PTPRR: variants seen among roughly 807,000 people sequenced by gnomAD.
PTPRR encodes the protein receptor-type tyrosine-protein phosphatase R.
In PTPRR, 38 loss-of-function variants were observed where a neutral mutation model predicts 77.2. That is an observed-to-expected ratio of 0.49 (90% CI 0.38 to 0.65). The LOEUF (loss-of-function observed/expected upper bound fraction) is 0.65. PTPRR is among the 30% of genes least tolerant of loss of function. The pLI, the probability that PTPRR is intolerant of heterozygous loss-of-function variation, is 0.00. For synonymous variants in PTPRR, 299 were observed against 283.1 expected, an observed-to-expected ratio of 1.06 and a Z score of -0.57; for missense variants, 744 against 799.2, an observed-to-expected ratio of 0.93 and a Z score of 0.83.
In PTPRR at chr12:70,722,989, T is replaced by A. The variant is rs186470458; in HGVS notation, c.1008-21666A>T. Among the ~76,000 whole-genome samples, 678 of 152,192 alleles carry A rather than the reference T, an allele frequency of 4.5e-3. 5 individuals are homozygous for A. The highest frequency in any genetic ancestry group is 6.0e-3 in the Non-Finnish European group (411 of 68,014). On this transcript the variant is annotated intron_variant, in intron 6 of 13. Transcript: ENST00000283228. Reference sequence around the variant, plus strand: ...GTGCCTACAAGTTTTACGCACTGAGTTTTTACTGTTTAGATGTGCGGGTCA... The same window carrying A: ...GTGCCTACAAGTTTTACGCACTGAGATTTTACTGTTTAGATGTGCGGGTCA...
chr12:70,892,717 C>T lies in PTPRR; in HGVS notation c.319G>A (p.Glu107Lys). The T allele has an allele frequency of 1.2e-6, 2 of 1,613,282 alleles. No homozygotes were observed. The highest frequency in any genetic ancestry group is 2.2e-5 in the South Asian group (2 of 91,058). Reference protein sequence around the residue: ...LAMDGQDLEVENLPIPAANVI... With the variant: ...LAMDGQDLEVKNLPIPAANVI... Reference sequence around the variant, plus strand: ...TTTGCTGCTGGGATTGGGAGATTTTCCACTTCAAGATCTTGACCATCCATG... The same window carrying T: ...TTTGCTGCTGGGATTGGGAGATTTTTCACTTCAAGATCTTGACCATCCATG... The change falls in exon 2 of 14, where the codon GAA becomes AAA. Residue 107 changes from glutamate to lysine, a missense_variant. Physicochemically the swap from Glu to Lys is moderately conservative, Grantham distance 56. Transcript: ENST00000283228.
At chr12:70,671,968 G>A (rs920565682) in intron 10 of PTPRR, 1 of 1,205,364 alleles carries the variant, frequency 8.3e-7, no homozygotes, top group African/African-American at 1.5e-5. Flanking sequence ...TGCAGGCTCA[G>A]AAGTGGCCCT....
chr12:70,909,824 C>A (rs1368406531), intron 1 of PTPRR, among the ~76,000 whole-genome samples: 1 of 152,184 alleles, frequency 6.6e-6, no homozygotes, highest in Non-Finnish European at 1.5e-5. Flanking sequence ...CTGACAGATA[C>A]TTTGTCAGAA....
At chr12:70,727,421 A>G (rs1889481202) in intron 6 of PTPRR, among the ~76,000 whole-genome samples, 1 of 152,196 alleles carries the variant, frequency 6.6e-6, no homozygotes, top group East Asian at 1.9e-4. Flanking sequence ...AAGAATTAAA[A>G]AAACCAGAAT....
intron 5 of PTPRR, among the ~76,000 whole-genome samples, chr12:70,748,039 G>A (rs1226350294): frequency 6.6e-6 from 1 of 152,074 alleles, no homozygotes; most frequent in East Asian, 1.9e-4. Flanking sequence ...CTGGCATCTG[G>A]TAGGCAGAGG....
chr12:70,656,437 G>A (rs893214877), intron 13 of PTPRR, among the ~76,000 whole-genome samples: 41 of 152,222 alleles, frequency 2.7e-4, no homozygotes, highest in African/African-American at 9.6e-4. Context: ...GCTGAGGTGT[G>A]AGGATTGCTT....
intron 2 of PTPRR, among the ~76,000 whole-genome samples, chr12:70,768,628 A>G (rs936204543): frequency 3.3e-5 from 5 of 152,234 alleles, no homozygotes; most frequent in African/African-American, 1.2e-4. Flanking sequence ...CAATCAATAG[A>G]AAAAGAGGGA....
chr12:70,803,781 T>C (rs1891659052), intron 2 of PTPRR, among the ~76,000 whole-genome samples: 3 of 152,198 alleles, frequency 2.0e-5, no homozygotes, highest in Non-Finnish European at 1.5e-5. Context: ...TTGTATCTAT[T>C]TGATGAGGAA....
Position 70,660,961 on chromosome 12 carries a change from C to A in PTPRR, c.1745G>T (p.Gly582Val). 1.2e-6 allele frequency: 2 copies of A among 1,613,580 alleles called. No individual in the cohort carries two copies. The highest frequency in any genetic ancestry group is 1.7e-6 in the Non-Finnish European group (2 of 1,179,782). The change falls in exon 12 of 14, where the codon GGG (glycine) becomes GTG (valine). Residue 582 changes from glycine to valine, a missense_variant. Physicochemically the swap from Gly to Val is moderately radical, Grantham distance 109. Around this residue, in one of 3 missense-constraint regions of PTPRR, gnomAD observed 170 missense variants for 209.8 expected, o/e 0.81. Transcript: ENST00000283228. ...EEDRLASQGR[G>V]PVVVHCSAGI... Reference sequence around the variant, plus strand: ...TTACCTGCAGTGGACAACCACAGGCCCTCGGCCCTGGGAAGCAAGTCTGTC... The same window carrying A: ...TTACCTGCAGTGGACAACCACAGGCACTCGGCCCTGGGAAGCAAGTCTGTC...
chr12:70,817,775 T>C (rs1891930997), intron 2 of PTPRR, among the ~76,000 whole-genome samples: 1 of 152,214 alleles, frequency 6.6e-6, no homozygotes. Flanking sequence ...ATACATTTGA[T>C]ACAGACCCAC....
chr12:70,837,105 TA>T (rs35005244), intron 2 of PTPRR, among the ~76,000 whole-genome samples: 1 of 151,394 alleles, frequency 6.6e-6, no homozygotes, highest in Admixed American at 6.6e-5. Context: ...ACAAAAGGCT[TA>T]AAAAAAAGGC....
At position 70,772,470 on chromosome 12, in the gene PTPRR, G is replaced by A. The variant is rs183220527; in HGVS notation, c.358-7692C>T. On this transcript the variant is annotated intron_variant, in intron 2 of 13. Transcript: ENST00000283228. ...TACCTGCAAGTATATTCTCTATTTTGTACCTGCAAGTAGGTAATAAATAAG... is the reference window on the plus strand; with the variant it reads ...TACCTGCAAGTATATTCTCTATTTTATACCTGCAAGTAGGTAATAAATAAG... Among the ~76,000 whole-genome samples the A allele has an allele frequency of 1.6e-3, 243 of 152,196 alleles. 4 individuals are homozygous for A. The highest frequency in any genetic ancestry group is 5.2e-3 in the African/African-American group (218 of 41,544).
chr12:70,761,366 T>A (rs1890686825), intron 4 of PTPRR, 105 bp downstream of exon 4: 1 of 1,081,698 alleles, frequency 9.2e-7, no homozygotes, highest in East Asian at 2.5e-5. Context: ...TATTATCAAA[T>A]AACATACAAT....
rs1893360942 is a variant in PTPRR at position 70,892,823 on chromosome 12, T to A, written c.213A>T (p.Glu71Asp). 1.2e-6 allele frequency: 2 copies of A among 1,613,524 alleles called. No individual in the cohort carries two copies. The highest frequency in any genetic ancestry group is 2.7e-5 in the African/African-American group (2 of 74,966). Residue 71 changes from glutamate (E) to aspartate (D), a missense_variant, in exon 2 of 14, where the codon GAA becomes GAT. Glu to Asp is a conservative substitution (Grantham distance 45, BLOSUM62 2). Coordinates refer to ENST00000283228, the MANE Select transcript of PTPRR (RefSeq NM_002849.4). ...TCTGGTGGCGTTTGCTTACTTGAGC[T>A]TCGGAAGAGGAATGGTAGCTATGTC... is the stretch of plus-strand genomic sequence containing the variant. ...IYRHSYHSSS[E>D]AQVSKRHQIV...
At chr12:70,640,973 A>C (rs1885975601) in intron 13 of PTPRR, among the ~76,000 whole-genome samples, 1 of 152,228 alleles carries the variant, frequency 6.6e-6, no homozygotes, top group Non-Finnish European at 1.5e-5. Flanking sequence ...CTAGAGCTGT[A>C]CATTTTGTTG....
chr12:70,861,415 T>C (rs1592798771), intron 2 of PTPRR, among the ~76,000 whole-genome samples: 1 of 152,176 alleles, frequency 6.6e-6, no homozygotes, highest in East Asian at 1.9e-4. Context: ...ACGCTTTTGT[T>C]ATGGTGGCTG....
intron 4 of PTPRR, among the ~76,000 whole-genome samples, chr12:70,758,610 G>A (rs1890615616): frequency 6.6e-6 from 1 of 151,840 alleles, no homozygotes; most frequent in Middle Eastern, 3.2e-3. Flanking sequence ...GGCCTTGACT[G>A]TGGGAATGGG....
At chr12:70,660,659 A>G (rs1484476776) in intron 12 of PTPRR, among the ~76,000 whole-genome samples, 1 of 152,218 alleles carries the variant, frequency 6.6e-6, no homozygotes, top group Non-Finnish European at 1.5e-5. Context: ...TTCAAAGCAG[A>G]TAACTGCTGA....
At chr12:70,835,830 G>A (rs1460472652) in intron 2 of PTPRR, among the ~76,000 whole-genome samples, 1 of 152,050 alleles carries the variant, frequency 6.6e-6, no homozygotes, top group Non-Finnish European at 1.5e-5. Flanking sequence ...TGGGGAAAGT[G>A]AGCCCAGATA....
Sources: gnomAD v4.1 joint callset for allele counts (sites outside exome capture counted in the v4.1 genomes callset) on GRCh38, gnomAD v4.1.1 for gene constraint, gnomAD v4.1.1 regional missense constraint, MANE v1.5 for transcripts, NCBI Gene and HGNC (gene_info 2026-07-23, HGNC 2026-07-21) for gene names.